Variants in RALGPS1 observed in about 807,000 individuals in gnomAD.
RALGPS1 encodes the protein ras-specific guanine nucleotide-releasing factor RalGPS1.
RALGPS1 carries 19 observed loss-of-function variants against 78.8 expected under a neutral mutation model. The ratio of observed to expected loss-of-function variants is 0.24; its 90% CI spans 0.17 to 0.35. The LOEUF is 0.35. Among genes scored for constraint, RALGPS1 ranks in the 10% least tolerant of loss-of-function variants. RALGPS1 has a pLI of 1.00. For synonymous variants in RALGPS1, 228 were observed against 256.3 expected (o/e 0.89, Z 1.06); for missense variants, 454 against 688.3 (o/e 0.66, Z 3.81).
chr9:127,064,097 A>G (rs1316711897), intron 7 of RALGPS1, among the ~76,000 whole-genome samples: 7 of 152,340 alleles, frequency 4.6e-5, no homozygotes, highest in African/African-American at 1.7e-4. Flanking sequence ...AGTATTATGG[A>G]AGAAAATCCC....
intron 7 of RALGPS1, among the ~76,000 whole-genome samples, chr9:127,059,184 C>T (rs1313683982): frequency 6.6e-6 from 1 of 152,196 alleles, no homozygotes; most frequent in Non-Finnish European, 1.5e-5. Context: ...CCTTTGCCCC[C>T]TTTGACTGAT....
rs185212235 is a variant in RALGPS1, at chr9:127,196,388, C to T, written c.1038-86C>T. ...TGGAGGCCTTTTTCCTGCAGCTGCA[C>T]CATCTGCTCCGGCCCCAGGCAGGTG... On this transcript the variant is annotated intron_variant, in intron 12 of 18. Coordinates refer to ENST00000259351, the MANE Select transcript of RALGPS1 (RefSeq NM_014636.3). The T allele has an allele frequency of 3.0e-5, 45 of 1,477,462 alleles. No homozygotes were observed. The African/African-American group carries it at 5.9e-4, about 19-fold the overall frequency. The allele number at this position is 1,477,462 out of a possible 1,614,324, so 91.5% of individuals were successfully genotyped here. A position where few individuals can be genotyped will look rare whatever the true frequency, so the allele number is the denominator to read the frequency against.
rs554078023 is a variant in RALGPS1 at position 127,030,358 on chromosome 9, G to A, written c.217-4073G>A. Among the ~76,000 whole-genome samples the A allele has an allele frequency of 3.9e-5, 6 of 152,236 alleles. No individual in the cohort carries two copies. In the East Asian group the frequency reaches 5.8e-4, roughly 15 times the overall value. On this transcript the variant is annotated intron_variant, in intron 4 of 18. Transcript: ENST00000259351. ...TGTGTCAGAAAAGAAAAGAGCAGCC[G>A]GAAAATAAGACTAAGAGTGAGGGGC...
At chr9:126,964,610 C>G (rs532696618) in intron 2 of RALGPS1, among the ~76,000 whole-genome samples, 1 of 109,364 alleles carries the variant, frequency 9.1e-6, no homozygotes, top group Non-Finnish European at 2.2e-5. Context: ...TTTATCCAGG[C>G]CTATCTGACC....
At chr9:127,102,391 C>T (rs1032593479) in intron 8 of RALGPS1, among the ~76,000 whole-genome samples, 2 of 152,180 alleles carry the variant, frequency 1.3e-5, no homozygotes, top group South Asian at 2.1e-4. Context: ...TAATACTATA[C>T]AAGTTCACCA....
chr9:127,093,732 C>T (rs2052765538), intron 8 of RALGPS1: 2 of 1,614,046 alleles, frequency 1.2e-6, no homozygotes, highest in Non-Finnish European at 8.5e-7. Context: ...CCGAGTCTCA[C>T]CTTGTACGTC....
chr9:126,984,742 G>C (rs939150592), intron 4 of RALGPS1, among the ~76,000 whole-genome samples: 1 of 152,042 alleles, frequency 6.6e-6, no homozygotes, highest in Non-Finnish European at 1.5e-5. Context: ...ACTCATTTTT[G>C]ATCACTTCCC....
At chr9:127,000,763 A>G (rs1186820360) in intron 4 of RALGPS1, among the ~76,000 whole-genome samples, 1 of 150,890 alleles carries the variant, frequency 6.6e-6, no homozygotes, top group Non-Finnish European at 1.5e-5. Flanking sequence ...CGTGTTGGTC[A>G]GGCTGGTCTC....
At chr9:127,152,484 C>T (rs1001488573) in intron 8 of RALGPS1, among the ~76,000 whole-genome samples, 14 of 152,168 alleles carry the variant, frequency 9.2e-5, no homozygotes, top group African/African-American at 2.9e-4. Context: ...AGAACCCCTC[C>T]GATCAGCTCC....
At chr9:127,052,999 C>T in intron 7 of RALGPS1, 60 bp downstream of exon 7, 1 of 1,158,904 alleles carries the variant, frequency 8.6e-7, no homozygotes, top group Non-Finnish European at 1.3e-6. Context: ...TGAAGTTCTT[C>T]ATTCCACAAG....
intron 5 of RALGPS1, among the ~76,000 whole-genome samples, chr9:127,045,511 A>G (rs974715443): frequency 6.6e-6 from 1 of 152,210 alleles, no homozygotes; most frequent in Admixed American, 6.5e-5. Context: ...ATAGATGAAT[A>G]TAAGAGAGTA....
chr9:127,072,751 C>T (rs1174177510), intron 8 of RALGPS1, among the ~76,000 whole-genome samples: 1 of 152,082 alleles, frequency 6.6e-6, no homozygotes, highest in Non-Finnish European at 1.5e-5. Context: ...ATGTTACAGT[C>T]CCCTTATATT....
At chr9:127,110,522 G>A (rs902614403) in intron 8 of RALGPS1, among the ~76,000 whole-genome samples, 7 of 152,252 alleles carry the variant, frequency 4.6e-5, no homozygotes, top group South Asian at 4.1e-4. Context: ...GATTACATCC[G>A]CATTTATTTC....
At chr9:126,922,568 G>A (rs984158092) in intron 1 of RALGPS1, among the ~76,000 whole-genome samples, 1 of 152,204 alleles carries the variant, frequency 6.6e-6, no homozygotes, top group Admixed American at 6.5e-5. Flanking sequence ...ATTACAGAGA[G>A]GATTAGTCCT....
chr9:126,939,738 G>A (rs2036581796), intron 1 of RALGPS1, among the ~76,000 whole-genome samples: 1 of 152,234 alleles, frequency 6.6e-6, no homozygotes, highest in Non-Finnish European at 1.5e-5. Context: ...GGGTGAATGG[G>A]ATAGACATGA....
chr9:127,035,347 G>C (rs1188554156), intron 5 of RALGPS1, among the ~76,000 whole-genome samples: 1 of 152,208 alleles, frequency 6.6e-6, no homozygotes, highest in Non-Finnish European at 1.5e-5. Context: ...TGAAGATCTG[G>C]AATGATGATT....
In RALGPS1 at chr9:127,006,895, T is replaced by C. The variant is rs527693606; in HGVS notation, c.217-27536T>C. On this transcript the variant is annotated intron_variant, in intron 4 of 18. Coordinates refer to ENST00000259351, the MANE Select transcript of RALGPS1 (RefSeq NM_014636.3). Reference sequence around the variant, plus strand: ...CAATTTGGATTTCTTTTGATTCTTTTTAGGGTGTCGGTATTAACTTTTGTG... The same window carrying C: ...CAATTTGGATTTCTTTTGATTCTTTCTAGGGTGTCGGTATTAACTTTTGTG... Among the ~76,000 whole-genome samples the C allele has an allele frequency of 4.3e-5, 6 of 140,928 alleles. No homozygotes were observed. The South Asian group carries it at 1.1e-3, about 25-fold the overall frequency. The allele number at this position is 140,928 out of a possible 152,430, so 92.5% of individuals were successfully genotyped here.
In RALGPS1 at chr9:127,176,878, C is replaced by T. The variant is rs115307349; in HGVS notation, c.910+2096C>T. ...TGGCTCTGTCCATCCACAGGCCACACCCTAGCCTCACCTCTGCCTGAGAGT... is the reference window on the plus strand; with the variant it reads ...TGGCTCTGTCCATCCACAGGCCACATCCTAGCCTCACCTCTGCCTGAGAGT... On this transcript the variant is annotated intron_variant, in intron 11 of 18. Coordinates refer to ENST00000259351, the MANE Select transcript of RALGPS1 (RefSeq NM_014636.3). Among the ~76,000 whole-genome samples the T allele has an allele frequency of 7.1e-3, 1,081 of 152,314 alleles. 13 individuals are homozygous for T. Among genetic ancestry groups the T allele is most frequent in the African/African-American group, 0.025 (1,048 of 41,562 alleles).
At chr9:127,036,699 G>C (rs1481339107) in intron 5 of RALGPS1, among the ~76,000 whole-genome samples, 1 of 152,168 alleles carries the variant, frequency 6.6e-6, no homozygotes, top group Non-Finnish European at 1.5e-5. Context: ...GGCTGAGATG[G>C]AAGAGTTTGG....
Sources: gnomAD v4.1 joint callset for allele counts (sites outside exome capture counted in the v4.1 genomes callset) on GRCh38, gnomAD v4.1.1 for gene constraint, MANE v1.5 for transcripts, NCBI Gene and HGNC (gene_info 2026-07-23, HGNC 2026-07-21) for gene names.